Variants in SLC25A42 observed in about 807,000 individuals in gnomAD.
SLC25A42 encodes mitochondrial coenzyme A transporter SLC25A42.
SLC25A42 carries 19 observed loss-of-function variants against 34.7 expected under a neutral mutation model. The observed-to-expected ratio is 0.55, with a 90% CI of 0.38 to 0.80. SLC25A42 has a LOEUF of 0.80. Among genes scored for constraint, SLC25A42 ranks in the 30% least tolerant of loss-of-function variants. The pLI, the probability that SLC25A42 is intolerant of heterozygous loss-of-function variation, is 0.00. For synonymous variants in SLC25A42, 205 were observed against 191.2 expected (o/e 1.07, Z -0.59); for missense variants, 364 against 441.3 (o/e 0.82, Z 1.57).
chr19:19,075,602 G>A (rs2059651952), intron 1 of SLC25A42, among the ~76,000 whole-genome samples: 2 of 152,198 alleles, frequency 1.3e-5, no homozygotes, highest in Non-Finnish European at 2.9e-5. Context: ...TAAATACTAT[G>A]TGGGGCTGGG....
intron 1 of SLC25A42, among the ~76,000 whole-genome samples, chr19:19,093,453 T>C (rs2145914004): frequency 6.6e-6 from 1 of 152,316 alleles, no homozygotes; most frequent in Admixed American, 6.5e-5. Context: ...AGTGCTGAGA[T>C]GGTATTAATA....
chr19:19,068,945 G>A (rs1220218199), intron 1 of SLC25A42, among the ~76,000 whole-genome samples: 1 of 148,842 alleles, frequency 6.7e-6, no homozygotes, highest in African/African-American at 2.5e-5. Context: ...AGGATCACTT[G>A]AGCTCAGGGG....
At chr19:19,082,342 G>C (rs977394417) in intron 1 of SLC25A42, among the ~76,000 whole-genome samples, 3 of 152,116 alleles carry the variant, frequency 2.0e-5, no homozygotes, top group African/African-American at 7.2e-5. Context: ...CACATCTCCA[G>C]TTCTCCTGCG....
chr19:19,107,829 T>A, intron 6 of SLC25A42, 65 bp from the exon 7 acceptor site: 1 of 1,587,518 alleles, frequency 6.3e-7, no homozygotes, highest in Non-Finnish European at 8.6e-7. Flanking sequence ...GCCGAGAGCC[T>A]CTGTGGCTCC....
At chr19:19,095,816 C>A (rs185891019) in intron 1 of SLC25A42, 160 of 456,038 alleles carry the variant, frequency 3.5e-4, no homozygotes, top group African/African-American at 2.8e-3. Flanking sequence ...AGCTGTGTGA[C>A]CTTGGCTGGC....
Position 19,111,106 on chromosome 19 carries a change from C to T in SLC25A42, c.*230C>T. On this transcript the variant is annotated 3_prime_UTR_variant, in exon 8 of 8. Coordinates refer to ENST00000318596, the MANE Select transcript of SLC25A42 (RefSeq NM_178526.5). ...TGGTGTGGGGGGTCCCGCAGCTCCC[C>T]TCTTCCTTCCTCTGCAGACGCTGGC... 3.5e-6 allele frequency: 2 copies of T among 575,668 alleles called. No homozygotes were observed. The highest frequency in any genetic ancestry group is 6.1e-6 in the Non-Finnish European group (2 of 326,262). 35.7% of individuals were successfully genotyped at this position (575,668 alleles called of 1,614,324 possible).
Position 19,109,195 on chromosome 19 carries a change from C to T in SLC25A42, c.649+1150C>T, listed in dbSNP as rs931196219. On this transcript the variant is annotated intron_variant, in intron 7 of 7. Coordinates refer to ENST00000318596, the MANE Select transcript of SLC25A42 (RefSeq NM_178526.5). The surrounding 1 kb of genome is among the most constrained non-coding windows in gnomAD (Gnocchi z 4.1). ...ATCCACCAGCATCTGTGCTCTGTTC[C>T]GCCTTTTTAGTGGCTGCACAGTGGG... Among the ~76,000 whole-genome samples the T allele has an allele frequency of 1.3e-5, 2 of 152,214 alleles. No individual in the cohort carries two copies. Among genetic ancestry groups the T allele is most frequent in the African/African-American group, 2.4e-5 (1 of 41,452 alleles).
intron 1 of SLC25A42, among the ~76,000 whole-genome samples, chr19:19,065,236 GT>G (rs1049335802): frequency 8.5e-5 from 13 of 152,248 alleles, no homozygotes; most frequent in African/African-American, 2.6e-4. Context: ...ATCATCTTGG[GT>G]GCCTCCTGCA....
chr19:19,070,939 G>A (rs1360054374), intron 1 of SLC25A42, among the ~76,000 whole-genome samples: 1 of 151,592 alleles, frequency 6.6e-6, no homozygotes, highest in Non-Finnish European at 1.5e-5. Context: ...GGAAGGTGGA[G>A]GCATCCAGAT....
At chr19:19,101,927 G>C (rs1568521859) in intron 3 of SLC25A42, 41 bp downstream of exon 3, 1 of 1,444,208 alleles carries the variant, frequency 6.9e-7, no homozygotes, top group East Asian at 2.4e-5. Context: ...AAGCTGCCAG[G>C]CGGTCACCTC....
intron 1 of SLC25A42, among the ~76,000 whole-genome samples, chr19:19,083,441 C>A (rs2059691053): frequency 6.6e-6 from 1 of 152,248 alleles, no homozygotes; most frequent in Non-Finnish European, 1.5e-5. Flanking sequence ...TCTAACGCAG[C>A]CCATTATGGT....
At chr19:19,092,901 G>T (rs1032202572) in intron 1 of SLC25A42, among the ~76,000 whole-genome samples, 3 of 152,144 alleles carry the variant, frequency 2.0e-5, no homozygotes, top group African/African-American at 4.8e-5. Flanking sequence ...TGATTGTTGT[G>T]GGGGGCGGAG....
intron 1 of SLC25A42, among the ~76,000 whole-genome samples, chr19:19,095,567 C>T (rs1395680913): frequency 2.0e-5 from 3 of 152,126 alleles, no homozygotes; most frequent in Admixed American, 6.5e-5. Flanking sequence ...GAGCCAAGAT[C>T]GTGCCACTGC....
intron 1 of SLC25A42, among the ~76,000 whole-genome samples, chr19:19,093,826 T>C (rs2059750694): frequency 6.6e-6 from 1 of 152,202 alleles, no homozygotes; most frequent in Non-Finnish European, 1.5e-5. Flanking sequence ...TACAGGTGCC[T>C]GCCACCATGC....
intron 1 of SLC25A42, among the ~76,000 whole-genome samples, chr19:19,071,053 T>A (rs1193313882): frequency 1.4e-5 from 2 of 141,842 alleles, no homozygotes; most frequent in Non-Finnish European, 3.0e-5. Flanking sequence ...GAGGCTGGAG[T>A]GGGAGTGTGG....
chr19:19,105,948 C>T (rs1262395924), intron 5 of SLC25A42: 7 of 566,870 alleles, frequency 1.2e-5, no homozygotes, highest in Non-Finnish European at 2.2e-5. Flanking sequence ...TCTCCTTTGC[C>T]CGTTTGTCTC....
At chr19:19,096,254 T>TGGGCCC in intron 2 of SLC25A42, 49 bp downstream of exon 2, 5 of 1,456,558 alleles carry the variant, frequency 3.4e-6, no homozygotes, top group East Asian at 2.4e-5. Flanking sequence ...GGCCCCAGCC[T>TGGGCCC]CCCCACCCCC....
At chr19:19,084,887 A>G (rs923091816) in intron 1 of SLC25A42, among the ~76,000 whole-genome samples, 1 of 151,130 alleles carries the variant, frequency 6.6e-6, no homozygotes, top group Non-Finnish European at 1.5e-5. Flanking sequence ...ACTTGAGCCC[A>G]GGAGTTCCAG....
chr19:19,092,949 A>T (rs1196963480), intron 1 of SLC25A42, among the ~76,000 whole-genome samples: 1 of 152,142 alleles, frequency 6.6e-6, no homozygotes, highest in Non-Finnish European at 1.5e-5. Flanking sequence ...CTGATGATGA[A>T]AGATGCCGAC....
Sources: allele counts gnomAD v4.1 joint callset (sites outside exome capture counted in the v4.1 genomes callset), GRCh38; gene constraint gnomAD v4.1.1; non-coding constraint Gnocchi (gnomAD v3.1); transcripts MANE v1.5; gene names NCBI Gene and HGNC (gene_info 2026-07-23, HGNC 2026-07-21).